DRC11: variants seen among roughly 807,000 people sequenced by gnomAD.
DRC11 encodes dynein regulatory complex subunit 11, also known as IQ and AAA domain-containing protein 1.
the DRC11 span, among the ~76,000 whole-genome samples, chr2:236,365,758 C>T: frequency 1.8e-4 from 28 of 152,010 alleles, no homozygotes; most frequent in Admixed American, 9.2e-4. The surrounding 1 kb of genome is among the most constrained non-coding windows in gnomAD (Gnocchi z 7.4). Context: ...GCCTCTTCAA[C>T]GGGGGCCTGG....
At chr2:236,453,515 T>C in the DRC11 span, among the ~76,000 whole-genome samples, 2 of 152,244 alleles carry the variant, frequency 1.3e-5, no homozygotes, top group Non-Finnish European at 2.9e-5. This position sits in a 1 kb window ranked among gnomAD's most constrained non-coding sequence, Gnocchi z 4.9. Context: ...CTCTGTCCTC[T>C]GCCGCAGATG....
At chr2:236,374,833 G>A in the DRC11 span, among the ~76,000 whole-genome samples, 1 of 151,596 alleles carries the variant, frequency 6.6e-6, no homozygotes, top group Non-Finnish European at 1.5e-5. Flanking sequence ...TGGGATTACA[G>A]GCGCGTGCCA....
At chr2:236,317,281 T>A in the DRC11 span, among the ~76,000 whole-genome samples, 3 of 148,560 alleles carry the variant, frequency 2.0e-5, no homozygotes, top group African/African-American at 7.5e-5. This position sits in a 1 kb window ranked among gnomAD's most constrained non-coding sequence, Gnocchi z 5.4. Flanking sequence ...GGCGACAGAG[T>A]GAGATTCCAT....
At chr2:236,473,044 T>G in the DRC11 span, among the ~76,000 whole-genome samples, 2 of 152,044 alleles carry the variant, frequency 1.3e-5, no homozygotes, top group African/African-American at 4.8e-5. This position sits in a 1 kb window ranked among gnomAD's most constrained non-coding sequence, Gnocchi z 4.8. Flanking sequence ...CCAAACAAAA[T>G]CCCACAAATC....
chr2:236,497,532 A>G, the DRC11 span: 5 of 1,401,470 alleles, frequency 3.6e-6, no homozygotes, highest in Non-Finnish European at 4.8e-6. The surrounding 1 kb of genome is among the most constrained non-coding windows in gnomAD (Gnocchi z 5.1). Flanking sequence ...AATAAAAATC[A>G]CTTGGTAAAA....
the DRC11 span, among the ~76,000 whole-genome samples, chr2:236,436,712 A>G: frequency 6.6e-6 from 1 of 152,264 alleles, no homozygotes; most frequent in Non-Finnish European, 1.5e-5. Flanking sequence ...CAGCTCCACA[A>G]CTAATTTGGC....
At chr2:236,337,068 G>T in the DRC11 span, among the ~76,000 whole-genome samples, 2 of 152,090 alleles carry the variant, frequency 1.3e-5, no homozygotes, top group Non-Finnish European at 2.9e-5. This position sits in a 1 kb window ranked among gnomAD's most constrained non-coding sequence, Gnocchi z 4.9. Flanking sequence ...CATAGGCCCC[G>T]CTCAGTGCCC....
chr2:236,454,163 C>T, the DRC11 span, among the ~76,000 whole-genome samples: 15 of 152,056 alleles, frequency 9.9e-5, no homozygotes, highest in African/African-American at 2.4e-4. The surrounding 1 kb of genome is among the most constrained non-coding windows in gnomAD (Gnocchi z 5.3). Context: ...GGACAGCCTG[C>T]GGGCCCACAA....
chr2:236,310,852 G>C, the DRC11 span, among the ~76,000 whole-genome samples: 2 of 152,344 alleles, frequency 1.3e-5, no homozygotes, highest in Middle Eastern at 3.4e-3. This position sits in a 1 kb window ranked among gnomAD's most constrained non-coding sequence, Gnocchi z 5.5. Context: ...TTCCCTTAGA[G>C]AATGCTTTGA....
At chr2:236,333,794 C>T in the DRC11 span, among the ~76,000 whole-genome samples, 17 of 152,156 alleles carry the variant, frequency 1.1e-4, no homozygotes, top group Admixed American at 5.9e-4. This position sits in a 1 kb window ranked among gnomAD's most constrained non-coding sequence, Gnocchi z 6.0. Context: ...AGTAATCACT[C>T]GATGAGTAGA....
the DRC11 span, chr2:236,363,980 C>A: frequency 6.2e-7 from 1 of 1,610,418 alleles, no homozygotes; most frequent in Non-Finnish European, 8.5e-7. The surrounding 1 kb of genome is among the most constrained non-coding windows in gnomAD (Gnocchi z 5.6). Context: ...GCTGCAGAAC[C>A]TAAAAAAGGC....
chr2:236,373,299 C>T, the DRC11 span, among the ~76,000 whole-genome samples: 1 of 151,646 alleles, frequency 6.6e-6, no homozygotes, highest in African/African-American at 2.4e-5. Flanking sequence ...CTCTGACCCC[C>T]AGGCTGCAGT....
chr2:236,425,703 A>T, the DRC11 span, among the ~76,000 whole-genome samples: 1 of 151,972 alleles, frequency 6.6e-6, no homozygotes, highest in Non-Finnish European at 1.5e-5. Flanking sequence ...CCAGAAAATC[A>T]CTGCCCAGAT....
chr2:236,432,536 C>T, the DRC11 span, among the ~76,000 whole-genome samples: 8 of 152,024 alleles, frequency 5.3e-5, 1 homozygote, highest in Middle Eastern at 6.3e-3. Context: ...TATTATGTTT[C>T]GAATTCATTT....
the DRC11 span, chr2:236,408,114 G>C: frequency 1.5e-6 from 1 of 649,498 alleles, no homozygotes; most frequent in Admixed American, 1.8e-5. The surrounding 1 kb of genome is among the most constrained non-coding windows in gnomAD (Gnocchi z 5.5). Context: ...ATGGGACAAA[G>C]CCACCCAGAG....
the DRC11 span, among the ~76,000 whole-genome samples, chr2:236,433,558 C>A: frequency 6.6e-6 from 1 of 152,184 alleles, no homozygotes; most frequent in South Asian, 2.1e-4. Context: ...TGTTTGCATG[C>A]ACAACAGCGA....
the DRC11 span, among the ~76,000 whole-genome samples, chr2:236,307,595 G>A: frequency 0.17 from 25,321 of 152,116 alleles, 5,220 homozygotes; most frequent in African/African-American, 0.47. This position sits in a 1 kb window ranked among gnomAD's most constrained non-coding sequence, Gnocchi z 7.0. Context: ...CCAGCTCAGC[G>A]TCCTAACAGT....
chr2:236,507,153 A>T, the DRC11 span: 1 of 1,177,470 alleles, frequency 8.5e-7, no homozygotes, highest in East Asian at 2.4e-5. Context: ...TTGAGAGGGG[A>T]GGAGAAAAGA....
the DRC11 span, among the ~76,000 whole-genome samples, chr2:236,506,663 T>A: frequency 5.9e-5 from 9 of 152,338 alleles, no homozygotes; most frequent in Non-Finnish European, 5.9e-5. This position sits in a 1 kb window ranked among gnomAD's most constrained non-coding sequence, Gnocchi z 4.9. Context: ...AGGGTTGCTG[T>A]GAAGCGGTTA....
Sources: allele counts gnomAD v4.1 joint callset (sites outside exome capture counted in the v4.1 genomes callset), GRCh38; gene constraint gnomAD v4.1.1; non-coding constraint Gnocchi (gnomAD v3.1); transcripts MANE v1.5; gene names NCBI Gene and HGNC (gene_info 2026-07-23, HGNC 2026-07-21).